The following PCDHGA3 variants were observed in gnomAD, a reference collection of about 807,000 sequenced individuals.
PCDHGA3 encodes protocadherin gamma-A3.
In PCDHGA3, 40 loss-of-function variants were observed where a neutral mutation model predicts 58.5. That is an observed-to-expected ratio of 0.68 (90% CI 0.53 to 0.89). The LOEUF (loss-of-function observed/expected upper bound fraction) is 0.89. Ranked by LOEUF, PCDHGA3 falls within the 40% of genes least tolerant of loss-of-function variation. The probability of loss-of-function intolerance (pLI) is 0.00; values close to 1 mark genes in which losing one functional copy is unlikely to be tolerated. For synonymous variants in PCDHGA3, 530 were observed against 525.7 expected (o/e 1.01, Z -0.11); for missense variants, 1,223 against 1,195.9 (o/e 1.02, Z -0.33).
In PCDHGA3 at chr5:141,389,374, G is replaced by A. The variant is rs192606668; in HGVS notation, c.2424+42917G>A. On this transcript the variant is annotated intron_variant, in intron 1 of 3. Coordinates refer to ENST00000253812, the MANE Select transcript of PCDHGA3 (RefSeq NM_018916.4). Reference sequence around the variant, plus strand: ...ATCATGGCCAGTGACCTGGAGCAGCGGGAGCTGTCATCCTACGTGTCCATA... The same window carrying A: ...ATCATGGCCAGTGACCTGGAGCAGCAGGAGCTGTCATCCTACGTGTCCATA... 1,030 of 1,613,784 alleles carry A rather than the reference G, an allele frequency of 6.4e-4. 16 individuals are homozygous for A. The East Asian group carries it at 0.021, about 33-fold the overall frequency.
chr5:141,492,079 G>C (rs1400390407), intron 1 of PCDHGA3: 3 of 486,286 alleles, frequency 6.2e-6, no homozygotes, highest in South Asian at 4.1e-5. Flanking sequence ...CGCCGGCTCC[G>C]GCACGCTTCG....
At position 141,478,736 on chromosome 5, in the gene PCDHGA3, T is replaced by G; in HGVS notation, c.2425-16071T>G. On this transcript the variant is annotated intron_variant, in intron 1 of 3. Coordinates refer to ENST00000253812, the MANE Select transcript of PCDHGA3 (RefSeq NM_018916.4). Reference sequence around the variant, plus strand: ...TGGTGGCCTGCCAGAGTGTGGTTTGTGGTCCCATTTCAGGGGGAAGATACT... The same window carrying G: ...TGGTGGCCTGCCAGAGTGTGGTTTGGGGTCCCATTTCAGGGGGAAGATACT... 5 of 1,534,796 alleles carry G rather than the reference T, an allele frequency of 3.3e-6. No homozygotes were observed. In the South Asian group the frequency reaches 6.2e-5, roughly 19 times the overall value.
intron 1 of PCDHGA3, among the ~76,000 whole-genome samples, chr5:141,448,837 C>CT (rs2098610093): frequency 6.6e-6 from 1 of 152,014 alleles, no homozygotes; most frequent in Non-Finnish European, 1.5e-5. Context: ...CCCAGCTACT[C>CT]TGGAGGCTGA....
chr5:141,375,973 C>A (rs577451422), intron 1 of PCDHGA3: 742 of 1,613,246 alleles, frequency 4.6e-4, no homozygotes, highest in Middle Eastern at 1.7e-3. Context: ...GCACGGCGCG[C>A]GCCCTGCTGG....
intron 1 of PCDHGA3, chr5:141,428,516 G>A (rs763205471): frequency 3.6e-6 from 1 of 281,256 alleles, no homozygotes; most frequent in Non-Finnish European, 7.0e-6. Context: ...TCTAGAAAAA[G>A]AAGATTTAAT....
chr5:141,416,504 C>CA (rs1467352050), intron 1 of PCDHGA3: 4 of 152,040 alleles, frequency 2.6e-5, no homozygotes, highest in African/African-American at 9.7e-5. Context: ...AGATATATGA[C>CA]AAAGCTATTT....
chr5:141,370,836 A>G, intron 1 of PCDHGA3: 1 of 1,614,018 alleles, frequency 6.2e-7, no homozygotes, highest in Non-Finnish European at 8.5e-7. Context: ...ACTGGCTCTC[A>G]CTGGAGCCAC....
chr5:141,355,069 G>A (rs1759706745), intron 1 of PCDHGA3: 1 of 1,342,004 alleles, frequency 7.5e-7, no homozygotes, highest in Non-Finnish European at 1.0e-6. Flanking sequence ...GGAGCTTTAT[G>A]AAAGCTTCAA....
chr5:141,422,243 T>C, intron 1 of PCDHGA3: 12 of 1,566,082 alleles, frequency 7.7e-6, no homozygotes, highest in Non-Finnish European at 1.0e-5. Flanking sequence ...ATCACTGTTG[T>C]GGATGTGAAT....
chr5:141,422,226 G>A (rs766346054), intron 1 of PCDHGA3: 1 of 1,565,844 alleles, frequency 6.4e-7, no homozygotes, highest in East Asian at 2.2e-5. Flanking sequence ...CCACCACGAC[G>A]ATGTTGATCA....
chr5:141,359,272 C>A (rs1761162358), intron 1 of PCDHGA3, among the ~76,000 whole-genome samples: 1 of 151,958 alleles, frequency 6.6e-6, no homozygotes, highest in Non-Finnish European at 1.5e-5. Context: ...TTTGGAAATG[C>A]TCAATTGGTC....
At chr5:141,421,504 C>G (rs757410882) in intron 1 of PCDHGA3, 1 of 1,614,062 alleles carries the variant, frequency 6.2e-7, no homozygotes, top group South Asian at 1.1e-5. Flanking sequence ...CAGGATAGAC[C>G]GGGAGGAGCT....
At chr5:141,411,425 A>AC (rs971774943) in intron 1 of PCDHGA3, 58 of 150,512 alleles carry the variant, frequency 3.9e-4, no homozygotes, top group African/African-American at 1.4e-3. Flanking sequence ...AACAACAACA[A>AC]AAAAAAACAT....
At chr5:141,388,085 C>G in intron 1 of PCDHGA3, 1 of 1,363,472 alleles carries the variant, frequency 7.3e-7, no homozygotes, top group Non-Finnish European at 1.0e-6. Context: ...GAAAACTGCG[C>G]GTCAGTTCGG....
intron 1 of PCDHGA3, chr5:141,419,733 AGGTGCGCATGGTGCGTGCTTTG>A (rs763538035): frequency 1.1e-5 from 18 of 1,613,646 alleles, no homozygotes; most frequent in Non-Finnish European, 1.4e-5. Context: ...CGAACAGGCG[AGGTGCGCATGGTGCGTGCTTTG>A]GGTGACAAGG....
chr5:141,433,017 A>T, intron 1 of PCDHGA3: 1 of 1,614,124 alleles, frequency 6.2e-7, no homozygotes, highest in Non-Finnish European at 8.5e-7. Flanking sequence ...CTGCAGACCT[A>T]TTCCCACGAG....
In PCDHGA3 at chr5:141,485,798, C is replaced by T. The variant is rs764109672; in HGVS notation, c.2425-9009C>T. The T allele has an allele frequency of 2.0e-5, 32 of 1,614,172 alleles. No individual in the cohort carries two copies. The highest frequency in any genetic ancestry group is 1.1e-4 in the East Asian group (5 of 44,876). ...GGATCGAGAGAAGCAATCGGACTAC[C>T]GCCTGGTGCTGACTGCTGTCGATGG... is the stretch of plus-strand genomic sequence containing the variant. On this transcript the variant is annotated intron_variant, in intron 1 of 3. Coordinates refer to ENST00000253812, the MANE Select transcript of PCDHGA3 (RefSeq NM_018916.4). The surrounding 1 kb of genome is among the most constrained non-coding windows in gnomAD (Gnocchi z 5.7).
intron 1 of PCDHGA3, among the ~76,000 whole-genome samples, chr5:141,379,998 C>A (rs560610207): frequency 7.1e-6 from 1 of 140,462 alleles, no homozygotes; most frequent in South Asian, 2.4e-4. Flanking sequence ...CTCCTGGGTT[C>A]AAGCGATTCT....
intron 1 of PCDHGA3, chr5:141,418,422 G>T: frequency 6.2e-7 from 1 of 1,613,996 alleles, no homozygotes; most frequent in Non-Finnish European, 8.5e-7. Context: ...AATCCTGATG[G>T]TGGCAAATAT....
Sources: gnomAD v4.1 joint callset for allele counts (sites outside exome capture counted in the v4.1 genomes callset) on GRCh38, gnomAD v4.1.1 for gene constraint, Gnocchi (gnomAD v3.1) non-coding constraint, MANE v1.5 for transcripts, NCBI Gene and HGNC (gene_info 2026-07-23, HGNC 2026-07-21) for gene names.